The following ARHGAP17 variants were observed in gnomAD, a reference collection of about 807,000 sequenced individuals.
ARHGAP17 encodes Rho GTPase activating protein 17, also known as rho GTPase-activating protein 17.
ARHGAP17 carries 57 observed loss-of-function variants against 99.5 expected under a neutral mutation model. The observed-to-expected ratio is 0.57, with a 90% CI of 0.46 to 0.71. The LOEUF is 0.71. Among genes scored for constraint, ARHGAP17 ranks in the 30% least tolerant of loss-of-function variants. The pLI is 0.00. For missense variants in ARHGAP17, 1,000 were observed against 1,122.4 expected (o/e 0.89, Z 1.56); for synonymous variants, 417 against 429.6 (o/e 0.97, Z 0.36).
At chr16:24,936,009 C>G in intron 17 of ARHGAP17, 1 of 334,518 alleles carries the variant, frequency 3.0e-6, no homozygotes, top group South Asian at 2.4e-5. Flanking sequence ...CTCTGCCACT[C>G]CAGTATCATC....
Position 24,952,947 on chromosome 16 carries a change from G to T in ARHGAP17, c.948C>A (p.Asp316Glu). The T allele has an allele frequency of 6.2e-7, 1 of 1,613,938 alleles. No individual in the cohort carries two copies. Among genetic ancestry groups the T allele is most frequent in the Non-Finnish European group, 8.5e-7 (1 of 1,179,876 alleles). The part of the protein sequence containing the change: ...STSHLDEFYS[D>E]PHAVAGALKS... Reference sequence around the variant, plus strand: ...GGCGCTCACCTGCTACAGCATGGGGGTCTGAATAGAACTCATCCAGGTGAG... The same window carrying T: ...GGCGCTCACCTGCTACAGCATGGGGTTCTGAATAGAACTCATCCAGGTGAG... The change falls in exon 11 of 20, where the codon GAC becomes GAA. Residue 316 changes from aspartate to glutamate, a missense_variant. Transcript: ENST00000289968.
rs559784898 is a variant in ARHGAP17 at position 25,008,518 on chromosome 16, G to A, written c.53+6691C>T. Among the ~76,000 whole-genome samples, 223 of 152,278 alleles carry A rather than the reference G, an allele frequency of 1.5e-3. 1 individual carries two copies. The highest frequency in any genetic ancestry group is 5.2e-3 in the African/African-American group (218 of 41,540). On this transcript the variant is annotated intron_variant, in intron 1 of 19. Coordinates refer to ENST00000289968, the MANE Select transcript of ARHGAP17 (RefSeq NM_001006634.3). ...ATACAAACACAGCGAACAGATGAGA[G>A]TTTAACATTTTTACATGGATTTGTA... is the stretch of plus-strand genomic sequence containing the variant.
In ARHGAP17 at chr16:24,939,579, C is replaced by A; in HGVS notation, c.1509G>T (p.Met503Ile). ...VKKESFGVKL[M>I]DFQAHRRGGT... Reference sequence around the variant, plus strand: ...CACCCCGCCGGTGGGCCTGGAAGTCCATAAGCTTCACACCAAAGCTACACA... The same window carrying A: ...CACCCCGCCGGTGGGCCTGGAAGTCAATAAGCTTCACACCAAAGCTACACA... The change falls in exon 17 of 20, where the codon ATG (methionine) becomes ATT (isoleucine). Residue 503 changes from methionine to isoleucine, a missense_variant. Physicochemically the swap from Met to Ile is conservative, Grantham distance 10. Transcript: ENST00000289968. 6.2e-7 allele frequency: 1 copy of A among 1,606,550 alleles called. No individual in the cohort carries two copies. The highest frequency in any genetic ancestry group is 1.1e-5 in the South Asian group (1 of 89,170).
At chr16:24,992,668 A>G (rs2053081593) in intron 1 of ARHGAP17, among the ~76,000 whole-genome samples, 1 of 152,248 alleles carries the variant, frequency 6.6e-6, no homozygotes, top group Admixed American at 6.5e-5. Context: ...AGAGTACAGT[A>G]GAATCTGACT....
Position 24,942,440 on chromosome 16 carries a change from G to A in ARHGAP17, c.1334-297C>T, listed in dbSNP as rs914715611. ...ACAAATCTAGAATGTAGAAGAGGAC[G>A]ATGAGCACAGATCACTTATTTGAAT... On this transcript the variant is annotated intron_variant, in intron 15 of 19. Transcript: ENST00000289968. Among the ~76,000 whole-genome samples, 7 of 152,252 alleles carry A rather than the reference G, an allele frequency of 4.6e-5. No homozygotes were observed. In the East Asian group the frequency reaches 5.8e-4, roughly 13 times the overall value.
intron 17 of ARHGAP17, among the ~76,000 whole-genome samples, chr16:24,938,773 G>GAAAAAAAAA (rs111587139): frequency 1.2e-5 from 1 of 81,168 alleles, no homozygotes; most frequent in Admixed American, 1.5e-4. Context: ...CGCAGTCTCA[G>GAAAAAAAAA]AAAAAAAAAA....
At chr16:25,001,588 A>C (rs1302196812) in intron 1 of ARHGAP17, among the ~76,000 whole-genome samples, 1 of 152,142 alleles carries the variant, frequency 6.6e-6, no homozygotes, top group Admixed American at 6.5e-5. Context: ...TTTTAATGAG[A>C]CAGGGTCTCT....
At position 24,927,675 on chromosome 16, in the gene ARHGAP17, T is replaced by C. The variant is rs2050877446; in HGVS notation, c.2515+3109A>G. On this transcript the variant is annotated intron_variant, in intron 19 of 19. Coordinates refer to ENST00000289968, the MANE Select transcript of ARHGAP17 (RefSeq NM_001006634.3). ...AAATGCATTGGCCAATCAGGTGCCTTTTCCTTACCATTAAATATTCCAATC... is the reference window on the plus strand; with the variant it reads ...AAATGCATTGGCCAATCAGGTGCCTCTTCCTTACCATTAAATATTCCAATC... 9.2e-6 allele frequency: 11 copies of C among 1,193,358 alleles called. No homozygotes were observed. In the South Asian group the frequency reaches 1.2e-4, roughly 13 times the overall value. The allele number at this position is 1,193,358 out of a possible 1,614,324, so 73.9% of individuals were successfully genotyped here. A position where few individuals can be genotyped will look rare whatever the true frequency, so the allele number is the denominator to read the frequency against.
chr16:24,923,558 T>C (rs894719007), intron 19 of ARHGAP17, among the ~76,000 whole-genome samples: 2 of 151,970 alleles, frequency 1.3e-5, no homozygotes, highest in Non-Finnish European at 2.9e-5. Context: ...TCCGTCTCTA[T>C]AAGAAAAACA....
chr16:24,968,765 G>A lies in ARHGAP17; in HGVS notation c.280C>T (p.Leu94=), dbSNP rs1423669936. ...QLEDSLLGKM[L]ETCGDAENQL... is the part of the protein sequence containing the mutation. ...TTCTCAGCATCTCCACACGTCTCCA[G>A]CATCTTCCTTTAAAAACAAGACCCC... Residue 94 remains leucine, a synonymous_variant, in exon 5 of 20, where the codon CTG becomes TTG. Coordinates refer to ENST00000289968, the MANE Select transcript of ARHGAP17 (RefSeq NM_001006634.3). The A allele has an allele frequency of 6.2e-6, 10 of 1,614,020 alleles. No individual in the cohort carries two copies. Among genetic ancestry groups the A allele is most frequent in the Non-Finnish European group, 8.5e-6 (10 of 1,180,024 alleles).
At chr16:24,951,211 C>T (rs904347292) in intron 12 of ARHGAP17, among the ~76,000 whole-genome samples, 2 of 152,000 alleles carry the variant, frequency 1.3e-5, no homozygotes, top group African/African-American at 2.4e-5. Context: ...GGGAAAGGGA[C>T]GAAGTAGAGG....
At position 24,952,288 on chromosome 16, in the gene ARHGAP17, C is replaced by T; in HGVS notation, c.1046+1G>A. 6.2e-7 allele frequency: 1 copy of T among 1,609,008 alleles called. No homozygotes were observed. Among genetic ancestry groups the T allele is most frequent in the Non-Finnish European group, 8.5e-7 (1 of 1,176,826 alleles). On this transcript the variant is annotated splice_donor_variant, in intron 12 of 19. Transcript: ENST00000289968. LOFTEE classifies it high-confidence loss of function. ...TACAACTCTGTGTTCTTTAAACTTA[C>T]CTTGCAACTTGTGTCCATTCTTCAT...
intron 19 of ARHGAP17, chr16:24,929,613 C>G (rs2050929370): frequency 3.0e-6 from 3 of 987,912 alleles, no homozygotes; most frequent in Non-Finnish European, 3.6e-6. Flanking sequence ...CATTACAGAC[C>G]TTAGTCCTGG....
chr16:24,997,705 G>A (rs1320832504), intron 1 of ARHGAP17, among the ~76,000 whole-genome samples: 2 of 152,258 alleles, frequency 1.3e-5, no homozygotes, highest in South Asian at 2.1e-4. Flanking sequence ...GACAGGAAGT[G>A]AGGGGGAGGA....
intron 1 of ARHGAP17, among the ~76,000 whole-genome samples, chr16:24,982,402 T>G (rs943452848): frequency 1.3e-5 from 2 of 150,636 alleles, no homozygotes; most frequent in African/African-American, 4.9e-5. Flanking sequence ...AGACTCTGTC[T>G]CAAAAAAACA....
intron 1 of ARHGAP17, among the ~76,000 whole-genome samples, chr16:25,013,283 A>G (rs2053689603): frequency 6.6e-6 from 1 of 152,162 alleles, no homozygotes; most frequent in African/African-American, 2.4e-5. Flanking sequence ...TAAGAAAGCA[A>G]GACCTCCTGT....
At chr16:24,985,191 CACA>C (rs1567253263) in intron 1 of ARHGAP17, among the ~76,000 whole-genome samples, 277 of 42,234 alleles carry the variant, frequency 6.6e-3, no homozygotes, top group African/African-American at 0.062. Flanking sequence ...TGCAACCCCA[CACA>C]CACACACACA....
intron 1 of ARHGAP17, among the ~76,000 whole-genome samples, chr16:25,008,534 T>A (rs908279436): frequency 5.3e-5 from 8 of 152,200 alleles, no homozygotes; most frequent in Non-Finnish European, 1.0e-4. Context: ...CATTTTTACA[T>A]GGATTTGTAC....
At chr16:25,012,532 G>C (rs1329972104) in intron 1 of ARHGAP17, among the ~76,000 whole-genome samples, 1 of 152,112 alleles carries the variant, frequency 6.6e-6, no homozygotes, top group Non-Finnish European at 1.5e-5. Context: ...TTGCTTTGTA[G>C]CCTTCATCTT....
Sources: gnomAD v4.1 joint callset for allele counts (sites outside exome capture counted in the v4.1 genomes callset) on GRCh38, gnomAD v4.1.1 for gene constraint, MANE v1.5 for transcripts, NCBI Gene and HGNC (gene_info 2026-07-23, HGNC 2026-07-21) for gene names.